Variants in CACNB3 observed in about 807,000 individuals in gnomAD.
CACNB3 encodes the protein voltage-dependent L-type calcium channel subunit beta-3.
In CACNB3, 36 loss-of-function variants were observed where a neutral mutation model predicts 63.7. The ratio of observed to expected loss-of-function variants is 0.57; its 90% CI spans 0.43 to 0.75. The LOEUF is 0.75. Ranked by LOEUF, CACNB3 falls within the 30% of genes least tolerant of loss-of-function variation. The pLI is 0.00. For missense variants in CACNB3, 493 were observed against 648.6 expected (o/e 0.76, Z 2.61); for synonymous variants, 241 against 250.6 (o/e 0.96, Z 0.36).
At chr12:48,822,784 A>G (rs752986626) in intron 1 of CACNB3, among the ~76,000 whole-genome samples, 6 of 152,116 alleles carry the variant, frequency 3.9e-5, no homozygotes, top group Non-Finnish European at 7.4e-5. Flanking sequence ...ACCATTTGGG[A>G]GCCTTCAGAG....
intron 1 of CACNB3, chr12:48,819,504 C>T (rs768203929): frequency 9.4e-6 from 3 of 317,668 alleles, no homozygotes; most frequent in Non-Finnish European, 1.9e-5. Context: ...CCATTATTCC[C>T]TTCCACCCCC....
chr12:48,819,486 G>C (rs566176002), intron 1 of CACNB3: 135 of 293,312 alleles, frequency 4.6e-4, no homozygotes, highest in African/African-American at 2.8e-3. Flanking sequence ...CCTAAAACTT[G>C]AGGAGCTCCA....
chr12:48,819,615 T>C (rs1236056445), intron 1 of CACNB3: 2 of 444,048 alleles, frequency 4.5e-6, no homozygotes, highest in Non-Finnish European at 9.0e-6. Context: ...GCCAGGTGAC[T>C]GAGCCCCATC....
Position 48,828,637 on chromosome 12 carries a change from G to A in CACNB3, c.*738G>A, listed in dbSNP as rs1333742119. ...GGGAGCCAACCTGGATGGGGGTTTG[G>A]GGAAGGAGGGCATGTGTAGCAGAGA... On this transcript the variant is annotated 3_prime_UTR_variant, in exon 13 of 13. Transcript: ENST00000301050. 2.2e-6 allele frequency: 1 copy of A among 455,832 alleles called. No individual in the cohort carries two copies. Among genetic ancestry groups the A allele is most frequent in the African/African-American group, 2.0e-5 (1 of 50,068 alleles). The allele number at this position is 455,832 out of a possible 1,614,324, so 28.2% of individuals were successfully genotyped here. A position where few individuals can be genotyped will look rare whatever the true frequency, so the allele number is the denominator to read the frequency against.
upstream of CACNB3, chr12:48,815,588 G>A (rs890962408): frequency 1.6e-5 from 24 of 1,529,520 alleles, no homozygotes; most frequent in Non-Finnish European, 1.9e-5. Flanking sequence ...GGCGAGGCCA[G>A]GCGTGCAGGC....
intron 5 of CACNB3, 65 bp downstream of exon 5, chr12:48,824,798 T>C: frequency 6.4e-7 from 1 of 1,564,312 alleles, no homozygotes; most frequent in Non-Finnish European, 8.8e-7. Context: ...AAAGAGGGGA[T>C]CCTGCCCAAG....
In CACNB3 at chr12:48,824,348, C is replaced by G. The variant is rs141786339; in HGVS notation, c.382C>G (p.Arg128Gly). 6.2e-7 allele frequency: 1 copy of G among 1,609,726 alleles called. No homozygotes were observed. The highest frequency in any genetic ancestry group is 8.5e-7 in the Non-Finnish European group (1 of 1,178,434). The change falls in exon 4 of 13, where the codon CGG (arginine) becomes GGG (glycine). Residue 128 changes from arginine (R) to glycine (G), a missense_variant. Arg to Gly is a moderately radical substitution (Grantham distance 125). Transcript: ENST00000301050. ...IPSPQRLESI[R>G]LKQEQKARRS... ...CAGCCCCCAGCGCCTGGAGAGCATC[C>G]GGCTCAAACAGGAGCAGAAGGCCAG...
At chr12:48,814,833 G>A, upstream of CACNB3, 1 of 367,856 alleles carries the variant, frequency 2.7e-6, no homozygotes, top group Non-Finnish European at 4.9e-6. The surrounding 1 kb of genome is among the most constrained non-coding windows in gnomAD (Gnocchi z 6.9). Flanking sequence ...CCTGGAGGGC[G>A]CGTGTAGCCG....
chr12:48,825,354 G>C lies in CACNB3; in HGVS notation c.574-80G>C. On this transcript the variant is annotated intron_variant, in intron 7 of 12. Transcript: ENST00000301050. This position sits in a 1 kb window ranked among gnomAD's most constrained non-coding sequence, Gnocchi z 4.5. The stretch of plus-strand genomic sequence containing the variant: ...CCTCCGTCCAGGGTGTGTATGTGGA[G>C]CGCATTGACTCTGGGGCCATGCATG... 1 of 1,567,798 alleles carries C rather than the reference G, an allele frequency of 6.4e-7. No homozygotes were observed. The highest frequency in any genetic ancestry group is 1.3e-5 in the African/African-American group (1 of 74,082).
rs1330596726 is a variant in CACNB3, at chr12:48,826,037, C to T, written c.742+268C>T. 6.6e-6 allele frequency among the ~76,000 whole-genome samples: 1 copy of T among 152,152 alleles called. No homozygotes were observed. Among genetic ancestry groups the T allele is most frequent in the Non-Finnish European group, 1.5e-5 (1 of 68,030 alleles). ...AGACGTGGGGTTTCACCATGTTGGCCAGGCTGGTCTCGAACTCCTGACCTC... is the reference window on the plus strand; with the variant it reads ...AGACGTGGGGTTTCACCATGTTGGCTAGGCTGGTCTCGAACTCCTGACCTC... On this transcript the variant is annotated intron_variant, in intron 9 of 12. Coordinates refer to ENST00000301050, the MANE Select transcript of CACNB3 (RefSeq NM_000725.4). The surrounding 1 kb of genome is among the most constrained non-coding windows in gnomAD (Gnocchi z 4.8).
At chr12:48,818,421 G>C (rs1942344082), upstream of CACNB3, 1 of 985,524 alleles carries the variant, frequency 1.0e-6, no homozygotes, top group Non-Finnish European at 1.2e-6. The surrounding 1 kb of genome is among the most constrained non-coding windows in gnomAD (Gnocchi z 4.3). Context: ...CTGGGTTGCC[G>C]AGCGTCTCTG....
upstream of CACNB3, chr12:48,815,508 G>C: frequency 7.1e-7 from 1 of 1,409,436 alleles, no homozygotes; most frequent in South Asian, 1.4e-5. Flanking sequence ...AGGGAGGGAG[G>C]AGGGAGGAGA....
intron 4 of CACNB3, 99 bp downstream of exon 4, chr12:48,824,472 G>A: frequency 1.8e-6 from 2 of 1,137,530 alleles, no homozygotes; most frequent in South Asian, 1.5e-5. Context: ...ATATCCCCCT[G>A]AAATACACAT....
Position 48,818,633 on chromosome 12 carries a change from G to A in CACNB3, c.-297G>A. On this transcript the variant is annotated 5_prime_UTR_variant, in exon 1 of 13. Coordinates refer to ENST00000301050, the MANE Select transcript of CACNB3 (RefSeq NM_000725.4). The surrounding 1 kb of genome is among the most constrained non-coding windows in gnomAD (Gnocchi z 4.3). ...CCCTCGCCGCCCCCGCCTTCTCCCGGGGAGGGGGTCAGGTGGGCGGGCACT... is the reference window on the plus strand; with the variant it reads ...CCCTCGCCGCCCCCGCCTTCTCCCGAGGAGGGGGTCAGGTGGGCGGGCACT... The A allele has an allele frequency of 1.8e-6, 2 of 1,128,032 alleles. No homozygotes were observed. Among genetic ancestry groups the A allele is most frequent in the East Asian group, 5.3e-5 (1 of 18,836 alleles). 69.9% of individuals were successfully genotyped at this position (1,128,032 alleles called of 1,614,324 possible).
rs17854164 is a variant in CACNB3 at position 48,827,114 on chromosome 12, C to G, written c.1131C>G (p.Pro377=). Residue 377 remains proline (P), a synonymous_variant, in exon 12 of 13, where the codon CCC becomes CCG. Coordinates refer to ENST00000301050, the MANE Select transcript of CACNB3 (RefSeq NM_000725.4). ...TTCTGGGTCCTCCCAGTGCCATCCC[C>G]GGACTTCAGGTAACCATTTCCAGTG... The part of the protein sequence containing the change: ...PGLLGPPSAI[P]GLQNQQLLGE... 6.2e-7 allele frequency: 1 copy of G among 1,612,454 alleles called. No individual in the cohort carries two copies. The highest frequency in any genetic ancestry group is 1.1e-5 in the South Asian group (1 of 91,008).
chr12:48,825,044 T>C lies in CACNB3; in HGVS notation c.492+76T>C. 1.3e-6 allele frequency: 2 copies of C among 1,594,278 alleles called. No individual in the cohort carries two copies. The highest frequency in any genetic ancestry group is 4.5e-5 in the East Asian group (2 of 44,746). On this transcript the variant is annotated intron_variant, in intron 6 of 12. Transcript: ENST00000301050. This position sits in a 1 kb window ranked among gnomAD's most constrained non-coding sequence, Gnocchi z 4.5. ...GGGACAGTGTTCTAGGCAGTCATTG[T>C]TGGAGGGCAGAACAGAGAGGGGAGG... is the stretch of plus-strand genomic sequence containing the variant.
chr12:48,822,682 G>A (rs1001959106), intron 1 of CACNB3, among the ~76,000 whole-genome samples: 4 of 152,234 alleles, frequency 2.6e-5, no homozygotes, highest in Admixed American at 2.0e-4. Flanking sequence ...GTGGAAGGAA[G>A]AAAAGTAGGG....
Position 48,827,073 on chromosome 12 carries a change from G to C in CACNB3, c.1090G>C (p.Ala364Pro), listed in dbSNP as rs759860591. The C allele has an allele frequency of 6.2e-7, 1 of 1,613,212 alleles. No homozygotes were observed. Among genetic ancestry groups the C allele is most frequent in the African/African-American group, 1.3e-5 (1 of 74,902 alleles). The change falls in exon 12 of 13, where the codon GCC (alanine) becomes CCC (proline). Residue 364 changes from alanine (A) to proline (P), a missense_variant. Physicochemically the swap from Ala to Pro is conservative, Grantham distance 27. Coordinates refer to ENST00000301050, the MANE Select transcript of CACNB3 (RefSeq NM_000725.4). ...TTACTGGCGGGCCACGCACCACCCA[G>C]CCCCTGGCCCCGGACTTCTGGGTCC... is the stretch of plus-strand genomic sequence containing the variant. ...EVYWRATHHP[A>P]PGPGLLGPPS...
chr12:48,818,167 C>A (rs1177036282), upstream of CACNB3, among the ~76,000 whole-genome samples: 3 of 152,200 alleles, frequency 2.0e-5, no homozygotes, highest in African/African-American at 7.2e-5. This position sits in a 1 kb window ranked among gnomAD's most constrained non-coding sequence, Gnocchi z 4.3. Flanking sequence ...CCGGGACGCA[C>A]GGGCCCAGAC....
Sources: allele counts gnomAD v4.1 joint callset (sites outside exome capture counted in the v4.1 genomes callset), GRCh38; gene constraint gnomAD v4.1.1; non-coding constraint Gnocchi (gnomAD v3.1); transcripts MANE v1.5; gene names NCBI Gene and HGNC (gene_info 2026-07-23, HGNC 2026-07-21).